Variants in MACROD2 observed in about 807,000 individuals in gnomAD.
MACROD2 encodes ADP-ribose glycohydrolase MACROD2.
MACROD2 carries 36 observed loss-of-function variants against 70.4 expected under a neutral mutation model. That is an observed-to-expected ratio of 0.51 (90% CI 0.39 to 0.68). The LOEUF (loss-of-function observed/expected upper bound fraction) is 0.68, where lower values mean the gene tolerates loss of function less well. MACROD2 is among the 30% of genes least tolerant of loss of function. The pLI is 0.00. For synonymous variants in MACROD2, 172 were observed against 178.8 expected (o/e 0.96, Z 0.30); for missense variants, 496 against 538.4 (o/e 0.92, Z 0.78).
intron 4 of MACROD2, among the ~76,000 whole-genome samples, chr20:14,615,549 G>A (rs976469300): frequency 6.6e-6 from 1 of 152,108 alleles, no homozygotes; most frequent in Non-Finnish European, 1.5e-5. Flanking sequence ...GGTGCAAGGT[G>A]TTCCTGGTAT....
At chr20:14,515,473 A>ACGCGCGCGCG (rs1406815284) in intron 4 of MACROD2, among the ~76,000 whole-genome samples, 260 of 67,550 alleles carry the variant, frequency 3.8e-3, no homozygotes, top group African/African-American at 0.018. Flanking sequence ...ACGCACACAC[A>ACGCGCGCGCG]CACACACACA....
intron 4 of MACROD2, among the ~76,000 whole-genome samples, chr20:14,641,496 A>G (rs1279350106): frequency 2.0e-5 from 3 of 152,224 alleles, no homozygotes; most frequent in Non-Finnish European, 4.4e-5. Context: ...GCCCAGATCC[A>G]TTGGAGTAAT....
chr20:14,572,448 TA>T (rs1980256960), intron 4 of MACROD2, among the ~76,000 whole-genome samples: 1 of 151,880 alleles, frequency 6.6e-6, no homozygotes, highest in Admixed American at 6.6e-5. Context: ...TCAAGAAAAA[TA>T]TGTGAAATAT....
chr20:15,102,061 A>C (rs1476975708), intron 5 of MACROD2, among the ~76,000 whole-genome samples: 1 of 152,064 alleles, frequency 6.6e-6, no homozygotes, highest in Non-Finnish European at 1.5e-5. Context: ...AGCCACAGAA[A>C]GGCAGAAGAT....
intron 8 of MACROD2, among the ~76,000 whole-genome samples, chr20:15,777,590 CT>C: frequency 7.4e-6 from 1 of 135,460 alleles, no homozygotes; most frequent in Non-Finnish European, 1.6e-5. Flanking sequence ...TCCTTCCTTC[CT>C]TCCTTCCTTC....
Position 15,585,234 on chromosome 20 carries a change from G to A in MACROD2, c.645+85387G>A, listed in dbSNP as rs1300622551. ...TTTTTTTTAGATGGAGTCTCGCTCTGTCGCCCAGGCTGGAGTGCAGTGGTG... is the reference window on the plus strand; with the variant it reads ...TTTTTTTTAGATGGAGTCTCGCTCTATCGCCCAGGCTGGAGTGCAGTGGTG... On this transcript the variant is annotated intron_variant, in intron 8 of 17. Coordinates refer to ENST00000684519, the MANE Select transcript of MACROD2 (RefSeq NM_001351661.2). Among the ~76,000 whole-genome samples the A allele has an allele frequency of 7.2e-4, 105 of 144,980 alleles. 1 individual carries two copies. Among genetic ancestry groups the A allele is most frequent in the Non-Finnish European group, 1.2e-4 (8 of 66,710 alleles).
intron 5 of MACROD2, among the ~76,000 whole-genome samples, chr20:15,094,100 G>A (rs1386714221): frequency 3.3e-5 from 5 of 152,160 alleles, no homozygotes; most frequent in African/African-American, 1.2e-4. Flanking sequence ...TCTTGATGCA[G>A]ACACAGCCAT....
chr20:16,011,924 C>T (rs1491002433), intron 15 of MACROD2, among the ~76,000 whole-genome samples: 1 of 152,200 alleles, frequency 6.6e-6, no homozygotes, highest in African/African-American at 2.4e-5. Flanking sequence ...CAGTGATGTG[C>T]CTTGCATGGG....
intron 12 of MACROD2, among the ~76,000 whole-genome samples, chr20:15,939,110 C>G (rs903039138): frequency 6.6e-6 from 1 of 152,162 alleles, no homozygotes; most frequent in Non-Finnish European, 1.5e-5. Context: ...CATTAATGTG[C>G]AAGGTGAAGC....
intron 6 of MACROD2, among the ~76,000 whole-genome samples, chr20:15,375,242 A>G (rs932864657): frequency 2.0e-5 from 3 of 152,214 alleles, no homozygotes; most frequent in African/African-American, 7.2e-5. Context: ...TACTGACATA[A>G]TAAAGTCATG....
intron 5 of MACROD2, among the ~76,000 whole-genome samples, chr20:15,008,851 C>T (rs563698384): frequency 2.6e-5 from 4 of 152,194 alleles, no homozygotes; most frequent in South Asian, 2.1e-4. Context: ...TTTTAAAAGA[C>T]GTACCTATTA....
At chr20:15,841,570 C>T (rs547730925) in intron 8 of MACROD2, among the ~76,000 whole-genome samples, 1 of 152,116 alleles carries the variant, frequency 6.6e-6, no homozygotes, top group East Asian at 1.9e-4. Flanking sequence ...AACCAGAGCT[C>T]GTAAGAACTC....
intron 5 of MACROD2, among the ~76,000 whole-genome samples, chr20:15,072,449 T>C (rs530263528): frequency 6.6e-6 from 1 of 152,310 alleles, no homozygotes; most frequent in East Asian, 1.9e-4. Flanking sequence ...AACCTTTGGG[T>C]GAACCAAATG....
At chr20:15,546,585 A>T (rs1174800207) in intron 8 of MACROD2, among the ~76,000 whole-genome samples, 2 of 152,246 alleles carry the variant, frequency 1.3e-5, no homozygotes, top group Admixed American at 6.5e-5. Context: ...TCAGATTCAC[A>T]TAAAAGAAAA....
At chr20:15,974,374 T>C (rs2066274755) in intron 13 of MACROD2, among the ~76,000 whole-genome samples, 1 of 152,096 alleles carries the variant, frequency 6.6e-6, no homozygotes, top group African/African-American at 2.4e-5. Context: ...TGAAAAGACA[T>C]GTAGGAAACT....
intron 5 of MACROD2, among the ~76,000 whole-genome samples, chr20:14,923,826 A>G (rs1600830057): frequency 1.9e-4 from 24 of 126,208 alleles, no homozygotes; most frequent in Admixed American, 3.2e-4. Flanking sequence ...GAGGGGGTGG[A>G]GGGTTGGGAA....
chr20:15,060,110 C>T (rs1276088029), intron 5 of MACROD2, among the ~76,000 whole-genome samples: 2 of 152,186 alleles, frequency 1.3e-5, no homozygotes, highest in East Asian at 3.8e-4. Context: ...GTGTTACACC[C>T]TTGGGAAGGA....
intron 7 of MACROD2, among the ~76,000 whole-genome samples, chr20:15,472,130 C>A (rs1206568602): frequency 6.6e-6 from 1 of 152,312 alleles, no homozygotes. Flanking sequence ...ATACCAACAA[C>A]CACATAGGAA....
chr20:14,954,539 A>C (rs1250169962), intron 5 of MACROD2, among the ~76,000 whole-genome samples: 1 of 139,694 alleles, frequency 7.2e-6, no homozygotes, highest in East Asian at 2.0e-4. Flanking sequence ...ATTATATATA[A>C]TATAAATTAT....
Sources: gnomAD v4.1 joint callset for allele counts (sites outside exome capture counted in the v4.1 genomes callset) on GRCh38, gnomAD v4.1.1 for gene constraint, MANE v1.5 for transcripts, NCBI Gene and HGNC (gene_info 2026-07-23, HGNC 2026-07-21) for gene names.